Variants in ANKMY1 observed in about 807,000 individuals in gnomAD.
ANKMY1 encodes ankyrin repeat and MYND domain-containing protein 1.
A neutral mutation model predicts 102.0 loss-of-function variants in ANKMY1; 98 were observed. That is an observed-to-expected ratio of 0.96 (90% CI 0.82 to 1.14). The LOEUF (loss-of-function observed/expected upper bound fraction) is 1.14, where lower values mean the gene tolerates loss of function less well. Among genes scored for constraint, ANKMY1 ranks in the 50% most tolerant of loss-of-function variants. ANKMY1 has a pLI of 0.00. For synonymous variants in ANKMY1, 582 were observed against 559.9 expected (o/e 1.04, Z -0.56); for missense variants, 1,330 against 1,347.6 (o/e 0.99, Z 0.20).
intron 4 of ANKMY1, among the ~76,000 whole-genome samples, chr2:240,532,864 C>T (rs1056151720): frequency 4.6e-5 from 7 of 152,200 alleles, no homozygotes; most frequent in Non-Finnish European, 1.0e-4. Context: ...GCCATCATGC[C>T]CAACTAATTT....
Position 240,552,998 on chromosome 2 carries a change from T to C in ANKMY1, c.396A>G (p.Pro132=). 2.5e-6 allele frequency: 4 copies of C among 1,614,102 alleles called. No homozygotes were observed. Among genetic ancestry groups the C allele is most frequent in the Non-Finnish European group, 3.4e-6 (4 of 1,180,020 alleles). The change falls in exon 4 of 18, where the codon CCA becomes CCG. Residue 132 remains proline, a synonymous_variant. Transcript: ENST00000401804. ...ATGTGCCCGTGAAACTGGAGCCATC[T>C]GGCCACATGTAGGTACCCAGGCCAT... ...HCHGLGTYMW[P]DGSSFTGTFY...
chr2:240,542,762 G>A (rs774883966), intron 4 of ANKMY1, among the ~76,000 whole-genome samples: 1 of 148,824 alleles, frequency 6.7e-6, no homozygotes, highest in African/African-American at 2.5e-5. Flanking sequence ...TATGTTATAG[G>A]TTGAGTCTAC....
intron 17 of ANKMY1, 125 bp from the exon 18 acceptor site, chr2:240,479,780 A>G (rs1315640619): frequency 2.4e-6 from 2 of 821,544 alleles, no homozygotes; most frequent in Non-Finnish European, 2.0e-6. Flanking sequence ...GAGCTTTTGC[A>G]GGCAAGGAGT....
chr2:240,518,096 G>C lies in ANKMY1; in HGVS notation c.2004+2266C>G, dbSNP rs114559266. On this transcript the variant is annotated intron_variant, in intron 9 of 17. Coordinates refer to ENST00000401804, the MANE Select transcript of ANKMY1 (RefSeq NM_001282771.3). The stretch of plus-strand genomic sequence containing the variant: ...CTCATGATTGAGGAATTGACGAATG[G>C]GGGGGAAGGGTGTTGAAACGGGCCC... 1.1e-4 allele frequency among the ~76,000 whole-genome samples: 17 copies of C among 152,270 alleles called. No homozygotes were observed. In the South Asian group the frequency reaches 1.2e-3, roughly 11 times the overall value.
intron 4 of ANKMY1, among the ~76,000 whole-genome samples, chr2:240,533,286 A>ATAACAG (rs2085887359): frequency 6.6e-6 from 1 of 152,202 alleles, no homozygotes; most frequent in African/African-American, 2.4e-5. Context: ...GAAGAAATGT[A>ATAACAG]TAACAGGTGG....
In ANKMY1 at chr2:240,524,422, A is replaced by C. The variant is rs1448081798; in HGVS notation, c.1336-41T>G. On this transcript the variant is annotated intron_variant, in intron 7 of 17. Transcript: ENST00000401804. Reference sequence around the variant, plus strand: ...AAAAAGTGTCATTAGAATAAATTGGAGTGATAACCTCATTCTAGGACCTTC... The same window carrying C: ...AAAAAGTGTCATTAGAATAAATTGGCGTGATAACCTCATTCTAGGACCTTC... 4 of 1,556,910 alleles carry C rather than the reference A, an allele frequency of 2.6e-6. No individual in the cohort carries two copies. In the East Asian group the frequency reaches 9.0e-5, roughly 35 times the overall value.
chr2:240,537,782 C>A (rs1000701805), intron 4 of ANKMY1, among the ~76,000 whole-genome samples: 1 of 152,234 alleles, frequency 6.6e-6, no homozygotes, highest in Non-Finnish European at 1.5e-5. Context: ...CGCTGTAAAC[C>A]ACAACAAGTG....
chr2:240,503,946 G>A (rs2078647534), intron 13 of ANKMY1, among the ~76,000 whole-genome samples: 1 of 152,214 alleles, frequency 6.6e-6, no homozygotes, highest in Non-Finnish European at 1.5e-5. Flanking sequence ...GAGGAGGGCA[G>A]AGGTGGCCAC....
At position 240,499,853 on chromosome 2, in the gene ANKMY1, C is replaced by A; in HGVS notation, c.2806+105G>T. 1 of 1,395,074 alleles carries A rather than the reference C, an allele frequency of 7.2e-7. No homozygotes were observed. 86.4% of individuals were successfully genotyped at this position (1,395,074 alleles called of 1,614,324 possible). The stretch of plus-strand genomic sequence containing the variant: ...CCGACGAGCCCAGCCCCAGGAAGGC[C>A]CCTCCAAGAGCCCCAGGGGGTCCAG... On this transcript the variant is annotated intron_variant, in intron 15 of 17. Transcript: ENST00000401804. The surrounding 1 kb of genome is among the most constrained non-coding windows in gnomAD (Gnocchi z 4.2).
At chr2:240,493,162 A>C (rs2076842403) in intron 15 of ANKMY1, among the ~76,000 whole-genome samples, 1 of 52,280 alleles carries the variant, frequency 1.9e-5, no homozygotes, top group South Asian at 7.4e-4. Flanking sequence ...TCTCTACTAA[A>C]AATACAAAAA....
At chr2:240,560,741 G>A (rs749486386), upstream of ANKMY1, 11 of 1,514,284 alleles carry the variant, frequency 7.3e-6, no homozygotes, top group Non-Finnish European at 9.6e-6. Flanking sequence ...CTCCACCGTT[G>A]GTGCGCGTCG....
chr2:240,540,105 T>C (rs554551209), intron 4 of ANKMY1, among the ~76,000 whole-genome samples: 2 of 152,378 alleles, frequency 1.3e-5, no homozygotes, highest in South Asian at 2.1e-4. Flanking sequence ...TCCTTTGTGC[T>C]GACTCCAAGT....
At position 240,520,030 on chromosome 2, in the gene ANKMY1, G is replaced by C; in HGVS notation, c.2004+332C>G. The C allele has an allele frequency of 1.9e-6, 1 of 535,624 alleles. No individual in the cohort carries two copies. Among genetic ancestry groups the C allele is most frequent in the Non-Finnish European group, 3.7e-6 (1 of 268,342 alleles). 33.2% of individuals were successfully genotyped at this position (535,624 alleles called of 1,614,324 possible). A position where few individuals can be genotyped will look rare whatever the true frequency, so the allele number is the denominator to read the frequency against. On this transcript the variant is annotated intron_variant, in intron 9 of 17. Transcript: ENST00000401804. This position sits in a 1 kb window ranked among gnomAD's most constrained non-coding sequence, Gnocchi z 4.8. ...TGTGATGCTGAGCGTGGGTTGAAAG[G>C]AGGCCCGCCTCCTCCTGAATATAAG...
intron 4 of ANKMY1, among the ~76,000 whole-genome samples, chr2:240,550,118 A>C (rs2125049830): frequency 6.6e-6 from 1 of 152,130 alleles, no homozygotes; most frequent in African/African-American, 2.4e-5. Context: ...AACCAACCCA[A>C]ATGTCCAACA....
the ANKMY1 span, among the ~76,000 whole-genome samples, chr2:240,473,541 C>T: frequency 4.8e-5 from 7 of 147,222 alleles, no homozygotes; most frequent in East Asian, 3.9e-4. Flanking sequence ...ACGGGACCTA[C>T]GGAGACCAAC....
At chr2:240,504,160 T>C (rs2078675820) in intron 13 of ANKMY1, among the ~76,000 whole-genome samples, 1 of 152,124 alleles carries the variant, frequency 6.6e-6, no homozygotes, top group Non-Finnish European at 1.5e-5. Flanking sequence ...CAGCAAGACG[T>C]GGTGGGAGAT....
chr2:240,483,305 C>T (rs1466788325), intron 15 of ANKMY1, among the ~76,000 whole-genome samples: 2 of 152,090 alleles, frequency 1.3e-5, no homozygotes, highest in Admixed American at 6.6e-5. Flanking sequence ...TACAGGCTTG[C>T]ACCACCACAC....
rs2075130797 is a variant in ANKMY1, at chr2:240,479,759, T to C, written c.3047-104A>G. 1.2e-5 allele frequency: 12 copies of C among 1,012,728 alleles called. No individual in the cohort carries two copies. In the South Asian group the frequency reaches 1.6e-4, roughly 13 times the overall value. The allele number at this position is 1,012,728 out of a possible 1,614,324, so 62.7% of individuals were successfully genotyped here. A position where few individuals can be genotyped will look rare whatever the true frequency, so the allele number is the denominator to read the frequency against. On this transcript the variant is annotated intron_variant, in intron 17 of 17. Transcript: ENST00000401804. ...GGCTGTGTGGGGCGGCTGAGGACTG[T>C]GCTCTGTCTAGAGCTTTTGCAGGCA...
chr2:240,521,063 G>C (rs2082144891), intron 8 of ANKMY1, among the ~76,000 whole-genome samples: 1 of 152,102 alleles, frequency 6.6e-6, no homozygotes, highest in Non-Finnish European at 1.5e-5. Flanking sequence ...TGCCTCCAGA[G>C]AAAACTTGGG....
Sources: gnomAD v4.1 joint callset for allele counts (sites outside exome capture counted in the v4.1 genomes callset) on GRCh38, gnomAD v4.1.1 for gene constraint, Gnocchi (gnomAD v3.1) non-coding constraint, MANE v1.5 for transcripts, NCBI Gene and HGNC (gene_info 2026-07-23, HGNC 2026-07-21) for gene names.